The following CUL1 variants were observed in gnomAD, a reference collection of about 807,000 sequenced individuals.
The protein encoded by CUL1 is cullin-1.
Under a neutral mutation model 118.0 loss-of-function variants are expected in CUL1, and 24 were observed. That is an observed-to-expected ratio of 0.20 (90% confidence interval 0.15 to 0.29). CUL1 has a LOEUF of 0.29. Ranked by LOEUF, CUL1 falls within the 10% of genes least tolerant of loss-of-function variation. CUL1 has a pLI of 1.00. For synonymous variants in CUL1, 332 were observed against 340.4 expected (o/e 0.98, Z 0.27); for missense variants, 361 against 933.8 (o/e 0.39, Z 7.99).
chr7:148,772,060 G>T (rs1444989982), intron 9 of CUL1, among the ~76,000 whole-genome samples: 2 of 152,104 alleles, frequency 1.3e-5, no homozygotes, highest in Non-Finnish European at 2.9e-5. Flanking sequence ...CTTTAAAATG[G>T]CATGAAAACA....
At chr7:148,798,505 TAGAA>T (rs1801282749) in intron 19 of CUL1, 63 bp from the exon 20 acceptor site, 6 of 1,206,336 alleles carry the variant, frequency 5.0e-6, no homozygotes, top group Admixed American at 1.8e-5. Flanking sequence ...GGTTGAAAAA[TAGAA>T]AGCAGCCTTC....
intron 1 of CUL1, among the ~76,000 whole-genome samples, chr7:148,716,654 T>TA (rs558228762): frequency 1.4e-4 from 22 of 152,374 alleles, no homozygotes; most frequent in Admixed American, 2.6e-4. Flanking sequence ...TATCTACACT[T>TA]ACGTGTTAGT....
intron 2 of CUL1, among the ~76,000 whole-genome samples, chr7:148,746,057 C>T (rs1394630352): frequency 9.2e-5 from 14 of 152,016 alleles, no homozygotes; most frequent in Admixed American, 9.2e-4. Flanking sequence ...TTCAATTGTG[C>T]CTTTCAATCT....
At chr7:148,729,742 C>G (rs534375849) in intron 1 of CUL1, among the ~76,000 whole-genome samples, 1 of 152,156 alleles carries the variant, frequency 6.6e-6, no homozygotes, top group Admixed American at 6.5e-5. Context: ...CAAACTTTTA[C>G]CCAGGTTTTC....
At chr7:148,778,070 C>CAAAAAAAAAAAA (rs1203417069) in intron 9 of CUL1, among the ~76,000 whole-genome samples, 61 of 13,740 alleles carry the variant, frequency 4.4e-3, no homozygotes, top group Admixed American at 7.2e-3. Flanking sequence ...GACCCTGTCT[C>CAAAAAAAAAAAA]AAAAAAAAAA....
chr7:148,751,550 A>C (rs1030258537), intron 2 of CUL1, among the ~76,000 whole-genome samples: 1 of 151,676 alleles, frequency 6.6e-6, no homozygotes, highest in South Asian at 2.1e-4. Flanking sequence ...AAAAAAAAAA[A>C]AAAACCTCTC....
At chr7:148,749,974 T>C (rs769217868) in intron 2 of CUL1, among the ~76,000 whole-genome samples, 30 of 152,316 alleles carry the variant, frequency 2.0e-4, no homozygotes, top group Admixed American at 3.9e-4. Context: ...GTGGTCTGGA[T>C]AGAAGATCAA....
chr7:148,800,895 CTTGGCAGCACTTGTCACG>C lies in CUL1; in HGVS notation c.*326_*343del, dbSNP rs1238996457. 8.8e-6 allele frequency: 2 copies of C among 228,280 alleles called. No homozygotes were observed. The highest frequency in any genetic ancestry group is 1.7e-5 in the Non-Finnish European group (2 of 116,918). 14.1% of individuals were successfully genotyped at this position (228,280 alleles called of 1,614,324 possible). A position where few individuals can be genotyped will look rare whatever the true frequency, so the allele number is the denominator to read the frequency against. On this transcript the variant is annotated 3_prime_UTR_variant, in exon 22 of 22. Coordinates refer to ENST00000325222, the MANE Select transcript of CUL1 (RefSeq NM_003592.3). The surrounding 1 kb of genome is among the most constrained non-coding windows in gnomAD (Gnocchi z 4.6). ...GGGCTCCCCGATTCGCAGCTGTCGTCTTGGCAGCACTTGTCACGTTGGCAGCACTTTGAGAGCAAGTCT... is the reference window on the plus strand; with the variant it reads ...GGGCTCCCCGATTCGCAGCTGTCGTCTTGGCAGCACTTTGAGAGCAAGTCT...
intron 15 of CUL1, among the ~76,000 whole-genome samples, chr7:148,790,107 T>G (rs188720183): frequency 2.8e-4 from 43 of 152,390 alleles, no homozygotes; most frequent in Non-Finnish European, 5.4e-4. Context: ...CCTGCTGGTC[T>G]TGAAGTACAA....
Position 148,738,161 on chromosome 7 carries a change from C to T in CUL1, c.140+7899C>T, listed in dbSNP as rs77946264. On this transcript the variant is annotated intron_variant, in intron 2 of 21. Coordinates refer to ENST00000325222, the MANE Select transcript of CUL1 (RefSeq NM_003592.3). ...TTCACTTCAGAAATAAGGCATGGTGCTGTGGGTAACAGAGACATTTGAGAA... is the reference window on the plus strand; with the variant it reads ...TTCACTTCAGAAATAAGGCATGGTGTTGTGGGTAACAGAGACATTTGAGAA... Among the ~76,000 whole-genome samples, 269 of 152,288 alleles carry T rather than the reference C, an allele frequency of 1.8e-3. 1 individual carries two copies. The highest frequency in any genetic ancestry group is 6.0e-3 in the African/African-American group (251 of 41,556).
Position 148,767,700 on chromosome 7 carries a change from A to G in CUL1, c.1034A>G (p.His345Arg). Residue 345 changes from histidine to arginine, a missense_variant, in exon 9 of 22, where the codon CAT becomes CGT. By Grantham distance (29) the His-to-Arg change is conservative. Around this residue, in one of 7 missense-constraint regions of CUL1, gnomAD observed 169 missense variants for 429.7 expected, o/e 0.39. Coordinates refer to ENST00000325222, the MANE Select transcript of CUL1 (RefSeq NM_003592.3). ...ELKKLLETHIHNQGLAAIEKC... is the reference protein window; with the variant it reads ...ELKKLLETHIRNQGLAAIEKC... The stretch of plus-strand genomic sequence containing the variant: ...AAAAAACTGTTGGAGACACACATTC[A>G]TAATCAGGGTCTTGCAGCCATTGAA... 1 of 1,614,050 alleles carries G rather than the reference A, an allele frequency of 6.2e-7. No individual in the cohort carries two copies. Among genetic ancestry groups the G allele is most frequent in the Non-Finnish European group, 8.5e-7 (1 of 1,179,932 alleles).
chr7:148,773,995 T>C (rs1285194704), intron 9 of CUL1, among the ~76,000 whole-genome samples: 1 of 152,196 alleles, frequency 6.6e-6, no homozygotes, highest in Admixed American at 6.5e-5. Context: ...TTAGTTACAC[T>C]TCCCATTGCT....
intron 2 of CUL1, among the ~76,000 whole-genome samples, chr7:148,752,533 T>G (rs1184342473): frequency 1.3e-5 from 2 of 152,180 alleles, no homozygotes; most frequent in Admixed American, 6.6e-5. Context: ...CCTTTTAGAT[T>G]TTCTGTGGTA....
At chr7:148,723,630 G>A (rs1798465989) in intron 1 of CUL1, among the ~76,000 whole-genome samples, 1 of 150,180 alleles carries the variant, frequency 6.7e-6, no homozygotes, top group South Asian at 2.1e-4. Flanking sequence ...GTTAGGTACT[G>A]TTATTGATAA....
Position 148,757,025 on chromosome 7 carries a change from A to G in CUL1, c.358A>G (p.Thr120Ala). ...GGATGAGAGTGTACTGAAATTCTACACTCAACAATGGGAAGATTATCGATT... is the reference window on the plus strand; with the variant it reads ...GGATGAGAGTGTACTGAAATTCTACGCTCAACAATGGGAAGATTATCGATT... ...LMDESVLKFY[T>A]QQWEDYRFSS... Residue 120 changes from threonine to alanine, a missense_variant, in exon 4 of 22, where the codon ACT (threonine) becomes GCT (alanine). Physicochemically the swap from Thr to Ala is moderately conservative, Grantham distance 58. Transcript: ENST00000325222. 1 of 1,608,940 alleles carries G rather than the reference A, an allele frequency of 6.2e-7. No individual in the cohort carries two copies. Among genetic ancestry groups the G allele is most frequent in the Non-Finnish European group, 8.5e-7 (1 of 1,178,228 alleles).
intron 3 of CUL1, among the ~76,000 whole-genome samples, chr7:148,756,612 G>C (rs920070189): frequency 2.6e-5 from 4 of 152,102 alleles, no homozygotes; most frequent in African/African-American, 4.8e-5. Context: ...GCTGAGATTA[G>C]AGGTGTGAGC....
At chr7:148,740,133 A>G (rs868406594) in intron 2 of CUL1, among the ~76,000 whole-genome samples, 5 of 151,826 alleles carry the variant, frequency 3.3e-5, no homozygotes, top group South Asian at 2.1e-4. Flanking sequence ...GCTTACTGCA[A>G]TCTCCACCTC....
Position 148,792,743 on chromosome 7 carries a change from G to C in CUL1, c.1824G>C (p.Met608Ile). 1 of 1,612,118 alleles carries C rather than the reference G, an allele frequency of 6.2e-7. No homozygotes were observed. The highest frequency in any genetic ancestry group is 8.5e-7 in the Non-Finnish European group (1 of 1,179,196). Residue 608 changes from methionine (M) to isoleucine (I), a missense_variant, in exon 17 of 22, where the codon ATG (methionine) becomes ATC (isoleucine). Around this residue, in one of 7 missense-constraint regions of CUL1, gnomAD observed 84 missense variants for 203.3 expected, o/e 0.41. Coordinates refer to ENST00000325222, the MANE Select transcript of CUL1 (RefSeq NM_003592.3). Reference sequence around the variant, plus strand: ...CCGCAAAGGCGTCGACATTCCAGATGGCTATCCTGCTTCAGTACAACACGG... The same window carrying C: ...CCGCAAAGGCGTCGACATTCCAGATCGCTATCCTGCTTCAGTACAACACGG... ...RYTLQASTFQ[M>I]AILLQYNTED...
At chr7:148,725,206 C>G (rs565176371) in intron 1 of CUL1, among the ~76,000 whole-genome samples, 3 of 137,902 alleles carry the variant, frequency 2.2e-5, no homozygotes, top group African/African-American at 8.8e-5. Flanking sequence ...TGTACACACA[C>G]ACACACGCGC....
Sources: allele counts gnomAD v4.1 joint callset (sites outside exome capture counted in the v4.1 genomes callset), GRCh38; gene constraint gnomAD v4.1.1; regional missense constraint gnomAD v4.1.1; non-coding constraint Gnocchi (gnomAD v3.1); transcripts MANE v1.5; gene names NCBI Gene and HGNC (gene_info 2026-07-23, HGNC 2026-07-21).